Variants in UMAD1 observed in about 807,000 individuals in gnomAD.
The protein encoded by UMAD1 is UBAP1-MVB12-associated (UMA) domain containing 1.
Under a neutral mutation model 6.1 loss-of-function variants are expected in UMAD1, and 8 were observed. That is an observed-to-expected ratio of 1.30 (90% CI 0.76 to 2.35). The LOEUF is 2.35. UMAD1 is among the 30% of genes most tolerant of loss of function. UMAD1 has a pLI of 0.00. For missense variants in UMAD1, 130 were observed against 78.4 expected (o/e 1.66, Z -2.49); for synonymous variants, 56 against 31.4 (o/e 1.78, Z -2.61).
intron 2 of UMAD1, among the ~76,000 whole-genome samples, chr7:7,737,270 T>C (rs1201014264): frequency 6.6e-6 from 1 of 152,258 alleles, no homozygotes; most frequent in Non-Finnish European, 1.5e-5. Flanking sequence ...TTCAGTTTTC[T>C]CAGCCGTGAA....
At chr7:7,869,661 A>C (rs6974658) in intron 3 of UMAD1, among the ~76,000 whole-genome samples, 103,348 of 152,062 alleles carry the variant, frequency 0.68, 35,265 homozygotes, top group African/African-American at 0.72. Context: ...GATGACTTTC[A>C]TATTAATAAA....
intron 2 of UMAD1, among the ~76,000 whole-genome samples, chr7:7,699,256 T>C (rs2115150860): frequency 6.6e-6 from 1 of 152,272 alleles, no homozygotes; most frequent in South Asian, 2.1e-4. Flanking sequence ...TCAGACTCAT[T>C]TTAATAATAT....
intron 3 of UMAD1, among the ~76,000 whole-genome samples, chr7:7,827,177 G>GTGTGTGTGTGTGTGTGTGTA (rs34214373): frequency 1.2e-4 from 17 of 147,170 alleles, no homozygotes; most frequent in African/African-American, 3.7e-4. Context: ...GTGTGTGTGT[G>GTGTGTGTGTGTGTGTGTGTA]TATCACATGA....
At chr7:7,781,227 CTG>C (rs940877911) in intron 2 of UMAD1, among the ~76,000 whole-genome samples, 8 of 152,104 alleles carry the variant, frequency 5.3e-5, no homozygotes, top group African/African-American at 1.7e-4. Flanking sequence ...GCTGAGTTTT[CTG>C]TGTCTTTGAT....
chr7:7,815,573 C>T (rs1298516289), intron 3 of UMAD1, among the ~76,000 whole-genome samples: 3 of 152,090 alleles, frequency 2.0e-5, no homozygotes, highest in African/African-American at 7.2e-5. Flanking sequence ...TCCTATAGTT[C>T]CTCATAGTTG....
intron 2 of UMAD1, chr7:7,742,423 C>T (rs532180915): frequency 8.4e-5 from 48 of 572,028 alleles, no homozygotes; most frequent in African/African-American, 7.9e-4. Context: ...AGGTGGGTGA[C>T]GGGCAGATCT....
chr7:7,771,172 G>A (rs564040245), intron 2 of UMAD1, among the ~76,000 whole-genome samples: 70 of 150,400 alleles, frequency 4.7e-4, no homozygotes, highest in Non-Finnish European at 7.2e-4. Flanking sequence ...TAATTGTATT[G>A]ACAGCTTCTA....
intron 2 of UMAD1, among the ~76,000 whole-genome samples, chr7:7,775,548 C>T (rs182955110): frequency 1.5e-4 from 23 of 152,282 alleles, no homozygotes; most frequent in Non-Finnish European, 2.5e-4. Context: ...TCAATTAAAC[C>T]TCTATAAATT....
chr7:7,661,600 G>A (rs1174632608), intron 1 of UMAD1, among the ~76,000 whole-genome samples: 1 of 152,168 alleles, frequency 6.6e-6, no homozygotes, highest in Non-Finnish European at 1.5e-5. Context: ...TGGAGGTCCA[G>A]TCGAGACCCT....
chr7:7,845,182 T>C (rs943950593), intron 3 of UMAD1, among the ~76,000 whole-genome samples: 13 of 152,094 alleles, frequency 8.5e-5, no homozygotes, highest in African/African-American at 2.9e-4. Context: ...TCATTAATAA[T>C]TTTTTATACC....
At chr7:7,841,100 T>A (rs1056423674) in intron 3 of UMAD1, among the ~76,000 whole-genome samples, 1 of 152,200 alleles carries the variant, frequency 6.6e-6, no homozygotes, top group Non-Finnish European at 1.5e-5. Context: ...ATTAAACATA[T>A]AACATTCTAA....
chr7:7,862,464 ATACT>A (rs1185326694), intron 3 of UMAD1, among the ~76,000 whole-genome samples: 3 of 152,224 alleles, frequency 2.0e-5, no homozygotes, highest in Non-Finnish European at 2.9e-5. Context: ...AGTTGAATAG[ATACT>A]TACAATAAAT....
At chr7:7,821,655 G>A (rs889893594) in intron 3 of UMAD1, among the ~76,000 whole-genome samples, 3 of 152,162 alleles carry the variant, frequency 2.0e-5, no homozygotes, top group African/African-American at 4.8e-5. Flanking sequence ...GGTTGAAGCA[G>A]CTGTTCTTTG....
At chr7:7,774,726 A>T (rs566619633) in intron 2 of UMAD1, among the ~76,000 whole-genome samples, 29 of 152,296 alleles carry the variant, frequency 1.9e-4, no homozygotes, top group African/African-American at 6.5e-4. Flanking sequence ...CTGCTTTCTC[A>T]TAACACCAAT....
At chr7:7,863,582 T>A (rs1415034324) in intron 3 of UMAD1, among the ~76,000 whole-genome samples, 1 of 152,232 alleles carries the variant, frequency 6.6e-6, no homozygotes, top group Non-Finnish European at 1.5e-5. Flanking sequence ...TTTTGTTTTG[T>A]TTTGGTGTGG....
chr7:7,877,466 T>C lies in UMAD1; in HGVS notation c.342T>C (p.Tyr114=), dbSNP rs961484173. The C allele has an allele frequency of 4.2e-6, 3 of 717,546 alleles. No homozygotes were observed. The highest frequency in any genetic ancestry group is 7.8e-6 in the Non-Finnish European group (3 of 385,128). 44.4% of individuals were successfully genotyped at this position (717,546 alleles called of 1,614,324 possible). The part of the protein sequence containing the change: ...ITDLPDHLLS[Y]DGSENLSRFW... Reference sequence around the variant, plus strand: ...ACCTTCCCGACCACTTACTCTCCTATGATGGCAGCGAAAACTTATCACGGT... The same window carrying C: ...ACCTTCCCGACCACTTACTCTCCTACGATGGCAGCGAAAACTTATCACGGT... The change falls in exon 4 of 4, where the codon TAT becomes TAC. Residue 114 remains tyrosine, a synonymous_variant. Transcript: ENST00000682710.
intron 3 of UMAD1, among the ~76,000 whole-genome samples, chr7:7,848,674 A>G (rs1783856667): frequency 6.6e-6 from 1 of 152,142 alleles, no homozygotes; most frequent in Non-Finnish European, 1.5e-5. Flanking sequence ...AAGGTGACAC[A>G]GGGGTTTGAA....
At chr7:7,726,381 T>C (rs891884889) in intron 2 of UMAD1, among the ~76,000 whole-genome samples, 1 of 152,242 alleles carries the variant, frequency 6.6e-6, no homozygotes, top group Admixed American at 6.5e-5. Flanking sequence ...TCACTGGTCT[T>C]ACCATGTTCC....
chr7:7,859,988 A>G (rs185651840), intron 3 of UMAD1, among the ~76,000 whole-genome samples: 60 of 152,218 alleles, frequency 3.9e-4, no homozygotes, highest in African/African-American at 1.4e-3. Flanking sequence ...TGATTTTTAG[A>G]CACCATTGTG....
Sources: allele counts gnomAD v4.1 joint callset (sites outside exome capture counted in the v4.1 genomes callset), GRCh38; gene constraint gnomAD v4.1.1; transcripts MANE v1.5; gene names NCBI Gene and HGNC (gene_info 2026-07-23, HGNC 2026-07-21).